The following DDC variants were observed in gnomAD, a reference collection of about 807,000 sequenced individuals.
DDC encodes the protein aromatic-L-amino-acid decarboxylase.
DDC carries 43 observed loss-of-function variants against 60.0 expected under a neutral mutation model. That is an observed-to-expected ratio of 0.72 (90% CI 0.56 to 0.92). DDC has a LOEUF of 0.92. Ranked by LOEUF, DDC falls within the 40% of genes least tolerant of loss-of-function variation. DDC has a pLI of 0.00. For synonymous variants in DDC, 232 were observed against 234.6 expected, an observed-to-expected ratio of 0.99 and a Z score of 0.10; for missense variants, 573 against 620.2, an observed-to-expected ratio of 0.92 and a Z score of 0.81.
intron 2 of DDC, among the ~76,000 whole-genome samples, chr7:50,541,000 G>A (rs17133877): frequency 0.13 from 19,153 of 152,216 alleles, 2,110 homozygotes; most frequent in African/African-American, 0.28. Context: ...ATTTGTTCCT[G>A]CCAATGCAGT....
intron 13 of DDC, among the ~76,000 whole-genome samples, chr7:50,465,105 A>C (rs1253180322): frequency 6.6e-6 from 1 of 152,250 alleles, no homozygotes; most frequent in African/African-American, 2.4e-5. Flanking sequence ...GGCATCTACA[A>C]ATTATGCAAA....
Position 50,528,265 on chromosome 7 carries a change from C to T in DDC, c.586G>A (p.Glu196Lys), listed in dbSNP as rs368618312. The change falls in exon 6 of 15, where the codon GAA (glutamate) becomes AAA (lysine). Residue 196 changes from glutamate (E) to lysine (K), a missense_variant. By Grantham distance (56) the Glu-to-Lys change is moderately conservative (BLOSUM62 1). Transcript: ENST00000444124. The stretch of plus-strand genomic sequence containing the variant: ...ACTCCACCAATTAACCCAGCTCTTT[C>T]CACTGAGGAGTGTGCCTGGAAAGAA... ...YSSDQAHSSVERAGLIGGVKL... is the reference protein window; with the variant it reads ...YSSDQAHSSVKRAGLIGGVKL... The T allele has an allele frequency of 2.1e-5, 34 of 1,614,010 alleles. No homozygotes were observed. The highest frequency in any genetic ancestry group is 2.6e-5 in the Non-Finnish European group (31 of 1,180,030).
chr7:50,555,470 T>C (rs1563053573), intron 1 of DDC, among the ~76,000 whole-genome samples: 1 of 152,306 alleles, frequency 6.6e-6, no homozygotes, highest in East Asian at 1.9e-4. Flanking sequence ...GCAGAACCCC[T>C]GTTTCCTTCA....
intron 9 of DDC, among the ~76,000 whole-genome samples, chr7:50,494,390 G>C (rs1032706412): frequency 6.6e-5 from 10 of 152,026 alleles, no homozygotes; most frequent in African/African-American, 2.4e-4. Flanking sequence ...TGTTGTCCCA[G>C]CTACTCGGGA....
intron 14 of DDC, among the ~76,000 whole-genome samples, chr7:50,459,914 CATCCA>C: frequency 1.4e-5 from 2 of 142,650 alleles, no homozygotes; most frequent in Non-Finnish European, 1.5e-5. Context: ...CCAGCCGCCC[CATCCA>C]GGAGGGAGGT....
chr7:50,515,284 A>G (rs2043696463), intron 6 of DDC, among the ~76,000 whole-genome samples: 1 of 152,230 alleles, frequency 6.6e-6, no homozygotes, highest in Non-Finnish European at 1.5e-5. Context: ...ATTGTCAGCC[A>G]AGAATTTTGT....
chr7:50,491,977 T>G (rs1041879886), intron 9 of DDC, among the ~76,000 whole-genome samples: 2 of 152,238 alleles, frequency 1.3e-5, no homozygotes, highest in African/African-American at 4.8e-5. Context: ...TTGAGACCTG[T>G]CTCAGATACT....
intron 9 of DDC, among the ~76,000 whole-genome samples, chr7:50,493,783 A>G (rs1161190486): frequency 6.6e-6 from 1 of 151,732 alleles, no homozygotes; most frequent in Non-Finnish European, 1.5e-5. Flanking sequence ...TTTGATTTGT[A>G]TACAAGTAAA....
chr7:50,478,196 GA>G (rs2042690680), intron 10 of DDC, among the ~76,000 whole-genome samples: 1 of 138,072 alleles, frequency 7.2e-6, no homozygotes, highest in Admixed American at 7.7e-5. Context: ...TTGGGTGACA[GA>G]GCCAAACCCT....
chr7:50,466,248 G>C (rs922776561), intron 13 of DDC, among the ~76,000 whole-genome samples: 2 of 152,182 alleles, frequency 1.3e-5, no homozygotes, highest in African/African-American at 4.8e-5. Context: ...CCAGCACTTT[G>C]AGAGGCTGAG....
chr7:50,545,979 A>G lies in DDC; in HGVS notation c.-28-1866T>C, dbSNP rs574619124. Reference sequence around the variant, plus strand: ...ACTCCAAAGTTTTGTAGATGAGGAAATGGAAGCTCAGAGAGGCAATGTGAC... The same window carrying G: ...ACTCCAAAGTTTTGTAGATGAGGAAGTGGAAGCTCAGAGAGGCAATGTGAC... On this transcript the variant is annotated intron_variant, in intron 1 of 14. Transcript: ENST00000444124. 7.2e-5 allele frequency among the ~76,000 whole-genome samples: 11 copies of G among 152,330 alleles called. No individual in the cohort carries two copies. The East Asian group carries it at 1.2e-3, about 16-fold the overall frequency.
intron 2 of DDC, 105 bp from the exon 3 acceptor site, chr7:50,540,133 G>C (rs1418230439): frequency 3.7e-6 from 3 of 813,914 alleles, no homozygotes; most frequent in South Asian, 2.9e-5. Context: ...GATGCAGCCA[G>C]ACCCAGAGTT....
chr7:50,471,002 C>G (rs1056707567), intron 11 of DDC, among the ~76,000 whole-genome samples: 1 of 152,252 alleles, frequency 6.6e-6, no homozygotes, highest in African/African-American at 2.4e-5. Flanking sequence ...GCGCGACACT[C>G]TAGCGCAGCT....
At chr7:50,562,604 G>A (rs980091134) in intron 1 of DDC, among the ~76,000 whole-genome samples, 3 of 152,190 alleles carry the variant, frequency 2.0e-5, no homozygotes, top group African/African-American at 4.8e-5. Flanking sequence ...CCCTGGCAAT[G>A]CACCCATGAG....
chr7:50,534,992 G>T (rs1398417458), intron 4 of DDC, among the ~76,000 whole-genome samples: 6 of 152,184 alleles, frequency 3.9e-5, no homozygotes, highest in African/African-American at 1.4e-4. Context: ...GGCCAAGGAG[G>T]CTTCTCCAGC....
chr7:50,475,710 G>T (rs1224855643), intron 11 of DDC, among the ~76,000 whole-genome samples: 9 of 147,904 alleles, frequency 6.1e-5, no homozygotes, highest in Non-Finnish European at 1.2e-4. Context: ...TTTTTTTTGA[G>T]ACAGAGTTTC....
intron 13 of DDC, 49 bp from the exon 14 acceptor site, chr7:50,463,480 A>G (rs2042330416): frequency 6.6e-7 from 1 of 1,510,828 alleles, no homozygotes; most frequent in Non-Finnish European, 9.2e-7. Flanking sequence ...TGAGGACTCA[A>G]AAATCAACTG....
intron 1 of DDC, among the ~76,000 whole-genome samples, chr7:50,559,521 G>A (rs555078892): frequency 9.2e-4 from 139 of 150,806 alleles, no homozygotes; most frequent in African/African-American, 3.2e-3. Context: ...TCCGCCTCCC[G>A]GGTTCAAGCA....
At chr7:50,495,634 T>A (rs1024915356) in intron 8 of DDC, among the ~76,000 whole-genome samples, 2 of 152,056 alleles carry the variant, frequency 1.3e-5, no homozygotes, top group African/African-American at 4.8e-5. Flanking sequence ...GGTAAGTACA[T>A]GGGGGTGGGT....
Sources: gnomAD v4.1 joint callset for allele counts (sites outside exome capture counted in the v4.1 genomes callset) on GRCh38, gnomAD v4.1.1 for gene constraint, MANE v1.5 for transcripts, NCBI Gene and HGNC (gene_info 2026-07-23, HGNC 2026-07-21) for gene names.